Variants in NCOR1 observed in about 807,000 individuals in gnomAD.
NCOR1 encodes nuclear receptor corepressor 1.
A neutral mutation model predicts 288.1 loss-of-function variants in NCOR1; 63 were observed. The ratio of observed to expected loss-of-function variants is 0.22; its 90% CI spans 0.18 to 0.27. The LOEUF (loss-of-function observed/expected upper bound fraction) is 0.27, where lower values mean the gene tolerates loss of function less well. Ranked by LOEUF, NCOR1 falls within the 10% of genes least tolerant of loss-of-function variation. The pLI, the probability that NCOR1 is intolerant of heterozygous loss-of-function variation, is 1.00. For synonymous variants in NCOR1, 1,007 were observed against 1,065.9 expected (o/e 0.94, Z 1.08); for missense variants, 2,397 against 3,019.2 (o/e 0.79, Z 4.83).
At chr17:16,169,941 T>C (rs1051856205) in intron 4 of NCOR1, among the ~76,000 whole-genome samples, 1 of 152,198 alleles carries the variant, frequency 6.6e-6, no homozygotes, top group South Asian at 2.1e-4. Context: ...ACAAAACACC[T>C]AGAAGCTTAG....
At chr17:16,058,377 C>T in intron 38 of NCOR1, 94 bp downstream of exon 38, 2 of 1,452,326 alleles carry the variant, frequency 1.4e-6, no homozygotes, top group Non-Finnish European at 1.8e-6. Context: ...ACAAACAAAA[C>T]AAGTTAATTC....
rs1188058402 is a variant in NCOR1 at position 16,127,261 on chromosome 17, GTATA to G, written c.1510-1059_1510-1056del. On this transcript the variant is annotated intron_variant, in intron 14 of 45. Transcript: ENST00000268712. ...CATATATGTATGTATATATGTGTGTGTATATATGTATGTATATATACGTGTATAT... is the reference window on the plus strand; with the variant it reads ...CATATATGTATGTATATATGTGTGTGTATGTATGTATATATACGTGTATAT... 2.8e-5 allele frequency among the ~76,000 whole-genome samples: 3 copies of G among 108,732 alleles called. 1 individual carries two copies. The South Asian group carries it at 7.8e-4, about 28-fold the overall frequency. 71.3% of individuals were successfully genotyped at this position (108,732 alleles called of 152,430 possible).
At chr17:16,200,452 G>A (rs1350631303) in intron 1 of NCOR1, among the ~76,000 whole-genome samples, 7 of 135,884 alleles carry the variant, frequency 5.2e-5, no homozygotes, top group Non-Finnish European at 9.1e-5. Flanking sequence ...AGCTGGCATC[G>A]TGCCACTGCA....
chr17:16,086,507 T>A, intron 22 of NCOR1, 65 bp from the exon 23 acceptor site: 1 of 1,372,132 alleles, frequency 7.3e-7, no homozygotes, highest in Non-Finnish European at 1.0e-6. Flanking sequence ...ATGTTACCTC[T>A]CTCAGTCATT....
Position 16,194,472 on chromosome 17 carries a change from C to A in NCOR1, c.98G>T (p.Arg33Leu), listed in dbSNP as rs201037902. The change falls in exon 2 of 46, where the codon CGC (arginine) becomes CTC (leucine). Residue 33 changes from arginine to leucine, a missense_variant. This residue lies in a region of NCOR1 where 55 missense variants were observed against 69.6 expected (regional missense o/e 0.79). Coordinates refer to ENST00000268712, the MANE Select transcript of NCOR1 (RefSeq NM_006311.4). ...HSVQYTFPNTRHQQEFAVPDY... is the reference protein window; with the variant it reads ...HSVQYTFPNTLHQQEFAVPDY... ...CTATCTGTTCCTTACCTGCTGGTGG[C>A]GGGTGTTGGGAAATGTATACTGGAC... The A allele has an allele frequency of 1.3e-6, 2 of 1,598,884 alleles. No homozygotes were observed. The highest frequency in any genetic ancestry group is 2.2e-5 in the East Asian group (1 of 44,762).
intron 44 of NCOR1, 54 bp from the exon 45 acceptor site, chr17:16,034,998 C>A: frequency 6.5e-7 from 1 of 1,527,948 alleles, no homozygotes; most frequent in Non-Finnish European, 9.0e-7. Flanking sequence ...CAAAAATTAC[C>A]AAAATGCTAA....
rs900769712 is a variant in NCOR1, at chr17:16,215,425, G to A, written c.-134C>T. ...GCCTGAGGAGTGGGACGCGGCCACGGCGCGCGGCCCTACACCGGGACCTCG... is the reference window on the plus strand; with the variant it reads ...GCCTGAGGAGTGGGACGCGGCCACGACGCGCGGCCCTACACCGGGACCTCG... On this transcript the variant is annotated 5_prime_UTR_variant, in exon 1 of 46. Coordinates refer to ENST00000268712, the MANE Select transcript of NCOR1 (RefSeq NM_006311.4). 1 of 396,554 alleles carries A rather than the reference G, an allele frequency of 2.5e-6. No homozygotes were observed. Among genetic ancestry groups the A allele is most frequent in the Non-Finnish European group, 4.5e-6 (1 of 224,636 alleles). 24.6% of individuals were successfully genotyped at this position (396,554 alleles called of 1,614,324 possible). A position where few individuals can be genotyped will look rare whatever the true frequency, so the allele number is the denominator to read the frequency against.
chr17:16,108,119 T>C (rs965449329), intron 19 of NCOR1: 7 of 163,338 alleles, frequency 4.3e-5, no homozygotes, highest in African/African-American at 1.7e-4. Flanking sequence ...CATGTTTAAT[T>C]TATAATATAT....
chr17:16,094,282 T>A (rs1196975861), intron 21 of NCOR1, among the ~76,000 whole-genome samples: 2 of 152,260 alleles, frequency 1.3e-5, no homozygotes, highest in East Asian at 3.9e-4. Context: ...CTCCACAATA[T>A]TAAGAACATT....
chr17:16,070,266 A>T lies in NCOR1; in HGVS notation c.4412T>A (p.Leu1471Gln). 1 of 1,614,194 alleles carries T rather than the reference A, an allele frequency of 6.2e-7. No individual in the cohort carries two copies. Among genetic ancestry groups the T allele is most frequent in the East Asian group, 2.2e-5 (1 of 44,870 alleles). ...STLHEAPKAQ[L>Q]SPGIYDDTSA... ...GGTGTCATCATAAATCCCAGGGCTC[A>T]GTTGTGCTTTGGGAGCTTCATGCAG... The change falls in exon 31 of 46, where the codon CTG becomes CAG. Residue 1471 changes from leucine (L) to glutamine (Q), a missense_variant. Leu to Gln is a moderately radical substitution (Grantham distance 113). Around this residue, in one of 11 missense-constraint regions of NCOR1, gnomAD observed 1,872 missense variants for 2,187.8 expected, o/e 0.86. Coordinates refer to ENST00000268712, the MANE Select transcript of NCOR1 (RefSeq NM_006311.4).
Position 16,029,457 on chromosome 17 carries a change from A to G in NCOR1, c.*2839T>C. On this transcript the variant is annotated 3_prime_UTR_variant, in exon 46 of 46. Coordinates refer to ENST00000268712, the MANE Select transcript of NCOR1 (RefSeq NM_006311.4). ...AAATATTTTTAAAATAGAATCACTC[A>G]GTGTACCAAAATTAAAAGCATTATG... 3.5e-6 allele frequency: 1 copy of G among 282,838 alleles called. No individual in the cohort carries two copies. Among genetic ancestry groups the G allele is most frequent in the Non-Finnish European group, 7.0e-6 (1 of 143,732 alleles). 17.5% of individuals were successfully genotyped at this position (282,838 alleles called of 1,614,324 possible).
Position 16,110,401 on chromosome 17 carries a change from T to TA in NCOR1, c.2056-1490dup, listed in dbSNP as rs923255765. Among the ~76,000 whole-genome samples, 14 of 152,146 alleles carry TA rather than the reference T, an allele frequency of 9.2e-5. No homozygotes were observed. In the South Asian group the frequency reaches 1.9e-3, roughly 20 times the overall value. On this transcript the variant is annotated intron_variant, in intron 18 of 45. Transcript: ENST00000268712. ...ACAAAAATTTTTTTTAATTCCTTTT[T>TA]AAAAAAAATTGTATGCTCCCTTCTG...
At chr17:16,123,708 T>C (rs940572147) in intron 15 of NCOR1, among the ~76,000 whole-genome samples, 1 of 152,234 alleles carries the variant, frequency 6.6e-6, no homozygotes. Flanking sequence ...CCTACCCACA[T>C]TAACCACTAG....
At chr17:16,062,317 C>T in intron 35 of NCOR1, 47 bp from the exon 36 acceptor site, 3 of 1,527,230 alleles carry the variant, frequency 2.0e-6, no homozygotes, top group Non-Finnish European at 1.7e-6. Flanking sequence ...AGGAGGAAGC[C>T]AGAGACAAAA....
chr17:16,127,645 GTA>G (rs1426862590), intron 14 of NCOR1, among the ~76,000 whole-genome samples: 11 of 141,122 alleles, frequency 7.8e-5, no homozygotes, highest in Non-Finnish European at 1.4e-4. Flanking sequence ...GTATATATGT[GTA>G]TGTGTATATA....
chr17:16,101,375 A>T lies in NCOR1; in HGVS notation c.2565T>A (p.Pro855=), dbSNP rs2285581. 3.4e-5 allele frequency: 55 copies of T among 1,614,152 alleles called. 1 individual carries two copies. The East Asian group carries it at 1.1e-3, about 33-fold the overall frequency. Residue 855 remains proline, a synonymous_variant, in exon 20 of 46, where the codon CCT becomes CCA. Coordinates refer to ENST00000268712, the MANE Select transcript of NCOR1 (RefSeq NM_006311.4). ...DLDRASEKVE[P]RDEDLVVAQQ... ...GAGCTACCACCAAATCTTCATCTCT[A>T]GGTTCCACCTTCTCACTGGCTCTAT... is the stretch of plus-strand genomic sequence containing the variant.
chr17:16,058,640 A>G, intron 37 of NCOR1, 41 bp from the exon 38 acceptor site: 4 of 1,565,820 alleles, frequency 2.6e-6, no homozygotes, highest in South Asian at 1.2e-5. Context: ...TAATCCCAGG[A>G]AAAGTTTCTG....
Position 16,071,437 on chromosome 17 carries a change from C to T in NCOR1, c.4124G>A (p.Arg1375Gln), listed in dbSNP as rs374872075. 27 of 1,613,746 alleles carry T rather than the reference C, an allele frequency of 1.7e-5. No individual in the cohort carries two copies. Among genetic ancestry groups the T allele is most frequent in the Non-Finnish European group, 2.1e-5 (25 of 1,179,910 alleles). ...GGAAATGGAACCCTCAATTATCGGC[C>T]GTGTGCTCTGGACCACTTCTGGAGT... ...RKTPEVVQST[R>Q]PIIEGSISQG... The change falls in exon 30 of 46, where the codon CGG becomes CAG. Residue 1375 changes from arginine (R) to glutamine (Q), a missense_variant. Around this residue, in one of 11 missense-constraint regions of NCOR1, gnomAD observed 1,872 missense variants for 2,187.8 expected, o/e 0.86. Transcript: ENST00000268712.
At chr17:16,068,327 A>G in intron 31 of NCOR1, 1 of 551,940 alleles carries the variant, frequency 1.8e-6, no homozygotes, top group Non-Finnish European at 3.2e-6. Flanking sequence ...TGAGATTTGG[A>G]GAGTACTGTC....
Sources: gnomAD v4.1 joint callset for allele counts (sites outside exome capture counted in the v4.1 genomes callset) on GRCh38, gnomAD v4.1.1 for gene constraint, gnomAD v4.1.1 regional missense constraint, MANE v1.5 for transcripts, NCBI Gene and HGNC (gene_info 2026-07-23, HGNC 2026-07-21) for gene names.